Variants in EPAS1 observed in about 807,000 individuals in gnomAD.
The protein encoded by EPAS1 is endothelial PAS domain protein 1, also known as endothelial PAS domain-containing protein 1.
Under a neutral mutation model 87.9 loss-of-function variants are expected in EPAS1, and 23 were observed. The observed-to-expected ratio is 0.26, with a 90% CI of 0.19 to 0.37. The LOEUF is 0.37. Ranked by LOEUF, EPAS1 falls within the 10% of genes least tolerant of loss-of-function variation. EPAS1 has a pLI of 1.00. For synonymous variants in EPAS1, 508 were observed against 444.3 expected, an observed-to-expected ratio of 1.14 and a Z score of -1.80; for missense variants, 1,138 against 1,120.7, an observed-to-expected ratio of 1.02 and a Z score of -0.22.
chr2:46,343,709 A>G (rs949846144), intron 1 of EPAS1, among the ~76,000 whole-genome samples: 4 of 152,228 alleles, frequency 2.6e-5, no homozygotes, highest in East Asian at 1.9e-4. Flanking sequence ...AAGATTCTCA[A>G]TCTTCCTTTT....
chr2:46,334,111 G>C (rs1057466101), intron 1 of EPAS1, among the ~76,000 whole-genome samples: 2 of 152,086 alleles, frequency 1.3e-5, no homozygotes, highest in African/African-American at 2.4e-5. Context: ...ATTTTCCTTG[G>C]CTTTGGTGCC....
At chr2:46,345,781 T>G (rs1173436480) in intron 1 of EPAS1, among the ~76,000 whole-genome samples, 2 of 152,216 alleles carry the variant, frequency 1.3e-5, no homozygotes, top group African/African-American at 4.8e-5. Context: ...AATAGAATTG[T>G]CCTGTACTGT....
At position 46,355,224 on chromosome 2, in the gene EPAS1, A is replaced by G. The variant is rs372602626; in HGVS notation, c.218-927A>G. 3.9e-5 allele frequency among the ~76,000 whole-genome samples: 6 copies of G among 152,224 alleles called. No homozygotes were observed. In the East Asian group the frequency reaches 9.6e-4, roughly 24 times the overall value. On this transcript the variant is annotated intron_variant, in intron 2 of 15. Transcript: ENST00000263734. Reference sequence around the variant, plus strand: ...AAAGAAGAAAGAATTTACTGTTCTTATAGTTTTAGGCACTTTACGTACTTA... The same window carrying G: ...AAAGAAGAAAGAATTTACTGTTCTTGTAGTTTTAGGCACTTTACGTACTTA...
At chr2:46,366,162 C>T (rs934407366) in intron 6 of EPAS1, among the ~76,000 whole-genome samples, 9 of 152,198 alleles carry the variant, frequency 5.9e-5, no homozygotes, top group South Asian at 4.1e-4. Context: ...CGATTACATG[C>T]GGGGAAGAAG....
intron 1 of EPAS1, among the ~76,000 whole-genome samples, chr2:46,330,973 T>C (rs569412687): frequency 6.6e-6 from 1 of 152,276 alleles, no homozygotes; most frequent in East Asian, 1.9e-4. Context: ...TCTTTCTTGC[T>C]CCCAGAGCAC....
At chr2:46,326,233 G>T (rs968190482) in intron 1 of EPAS1, among the ~76,000 whole-genome samples, 2 of 152,160 alleles carry the variant, frequency 1.3e-5, no homozygotes, top group Non-Finnish European at 2.9e-5. Flanking sequence ...GGGAGAAGCA[G>T]GGGGAGTGGG....
Position 46,361,075 on chromosome 2 carries a change from C to T in EPAS1, c.764C>T (p.Thr255Ile), listed in dbSNP as rs1465471573. The T allele has an allele frequency of 1.2e-6, 2 of 1,614,156 alleles. No homozygotes were observed. Among genetic ancestry groups the T allele is most frequent in the East Asian group, 4.5e-5 (2 of 44,890 alleles). ...CGCCACAGCATGGACATGAAGTTCA[C>T]CTACTGTGATGACAGGTAGGGGGCC... ...LSRHSMDMKF[T>I]YCDDRITELI... is the part of the protein sequence containing the mutation. Residue 255 changes from threonine (T) to isoleucine (I), a missense_variant, in exon 6 of 16, where the codon ACC becomes ATC. Transcript: ENST00000263734.
chr2:46,305,360 G>A (rs1683089536), intron 1 of EPAS1, among the ~76,000 whole-genome samples: 1 of 151,998 alleles, frequency 6.6e-6, no homozygotes, highest in Non-Finnish European at 1.5e-5. Flanking sequence ...ACTGCCTTAG[G>A]CTGTTTGCAG....
intron 1 of EPAS1, among the ~76,000 whole-genome samples, chr2:46,332,135 G>T (rs565775889): frequency 3.3e-5 from 5 of 152,274 alleles, no homozygotes; most frequent in African/African-American, 1.2e-4. Flanking sequence ...CTGGGGAAGA[G>T]GCTGTGGGGT....
chr2:46,356,623 T>C, intron 3 of EPAS1, 101 bp from the exon 4 acceptor site: 1 of 945,052 alleles, frequency 1.1e-6, no homozygotes, highest in Admixed American at 1.7e-5. Context: ...CCCAATTCAG[T>C]CTCCTCCCTG....
rs1352073064 is a variant in EPAS1 at position 46,356,663 on chromosome 2, C to T, written c.370-61C>T. 4.4e-6 allele frequency: 6 copies of T among 1,349,924 alleles called. No individual in the cohort carries two copies. In the Admixed American group the frequency reaches 6.7e-5, roughly 15 times the overall value. The allele number at this position is 1,349,924 out of a possible 1,614,324, so 83.6% of individuals were successfully genotyped here. A position where few individuals can be genotyped will look rare whatever the true frequency, so the allele number is the denominator to read the frequency against. On this transcript the variant is annotated intron_variant, in intron 3 of 15. Coordinates refer to ENST00000263734, the MANE Select transcript of EPAS1 (RefSeq NM_001430.5). Reference sequence around the variant, plus strand: ...CAAATCTGGAAGGTGGCTCAGCTTACTCTTGGAGTCTTTTACTTCACTGTT... The same window carrying T: ...CAAATCTGGAAGGTGGCTCAGCTTATTCTTGGAGTCTTTTACTTCACTGTT...
At chr2:46,339,346 T>C (rs1683861026) in intron 1 of EPAS1, among the ~76,000 whole-genome samples, 3 of 152,378 alleles carry the variant, frequency 2.0e-5, no homozygotes, top group East Asian at 3.9e-4. Flanking sequence ...GGTTATATGA[T>C]GGACAGATAA....
At chr2:46,302,734 GAAAAAAAA>G (rs368452487) in intron 1 of EPAS1, among the ~76,000 whole-genome samples, 52,593 of 119,558 alleles carry the variant, frequency 0.44, 12,445 homozygotes, top group Middle Eastern at 0.64. Context: ...GTCTGATTAG[GAAAAAAAA>G]AAAAAAAAAA....
At chr2:46,369,324 C>T (rs139097287) in intron 6 of EPAS1, among the ~76,000 whole-genome samples, 2 of 152,194 alleles carry the variant, frequency 1.3e-5, no homozygotes, top group African/African-American at 4.8e-5. Context: ...AAAGGTGGCT[C>T]TACCTGGGGC....
At chr2:46,372,896 AG>A (rs1684656043) in intron 7 of EPAS1, among the ~76,000 whole-genome samples, 1 of 152,258 alleles carries the variant, frequency 6.6e-6, no homozygotes, top group Non-Finnish European at 1.5e-5. Flanking sequence ...ACTGCAGCAG[AG>A]GAGCCTCAGT....
rs1280434749 is a variant in EPAS1 at position 46,375,969 on chromosome 2, C to T, written c.1034+132C>T. 1 of 1,200,572 alleles carries T rather than the reference C, an allele frequency of 8.3e-7. No homozygotes were observed. Among genetic ancestry groups the T allele is most frequent in the South Asian group, 1.2e-5 (1 of 80,948 alleles). The allele number at this position is 1,200,572 out of a possible 1,614,324, so 74.4% of individuals were successfully genotyped here. On this transcript the variant is annotated intron_variant, in intron 8 of 15. Transcript: ENST00000263734. This position sits in a 1 kb window ranked among gnomAD's most constrained non-coding sequence, Gnocchi z 4.1. The stretch of plus-strand genomic sequence containing the variant: ...TGGGCACCACCTCAGGGAGGTCTTG[C>T]AGGGCTAACCCTAGTGACTGAGAGG...
chr2:46,310,584 C>A (rs1407463916), intron 1 of EPAS1, among the ~76,000 whole-genome samples: 3 of 152,208 alleles, frequency 2.0e-5, no homozygotes, highest in Non-Finnish European at 2.9e-5. Context: ...AAAAAGGAGC[C>A]GTCTTCCTGA....
chr2:46,331,023 A>G (rs976811081), intron 1 of EPAS1, among the ~76,000 whole-genome samples: 5 of 151,752 alleles, frequency 3.3e-5, no homozygotes, highest in Non-Finnish European at 7.4e-5. Context: ...AACACTATTG[A>G]GTGTGTAGTA....
rs1684736023 is a variant in EPAS1, at chr2:46,375,941, C to G, written c.1034+104C>G. On this transcript the variant is annotated intron_variant, in intron 8 of 15. Coordinates refer to ENST00000263734, the MANE Select transcript of EPAS1 (RefSeq NM_001430.5). The surrounding 1 kb of genome is among the most constrained non-coding windows in gnomAD (Gnocchi z 4.1). ...CTAGGAGATGCCAGGCCTCTCAGCG[C>G]CCTGGGCACCACCTCAGGGAGGTCT... is the stretch of plus-strand genomic sequence containing the variant. The G allele has an allele frequency of 6.7e-7, 1 of 1,483,498 alleles. No individual in the cohort carries two copies. Among genetic ancestry groups the G allele is most frequent in the Non-Finnish European group, 9.4e-7 (1 of 1,065,970 alleles). 91.9% of individuals were successfully genotyped at this position (1,483,498 alleles called of 1,614,324 possible).
Sources: allele counts gnomAD v4.1 joint callset (sites outside exome capture counted in the v4.1 genomes callset), GRCh38; gene constraint gnomAD v4.1.1; non-coding constraint Gnocchi (gnomAD v3.1); transcripts MANE v1.5; gene names NCBI Gene and HGNC (gene_info 2026-07-23, HGNC 2026-07-21).